The following FAM120B variants were observed in gnomAD, a reference collection of about 807,000 sequenced individuals.
FAM120B encodes constitutive coactivator of peroxisome proliferator-activated receptor gamma.
In FAM120B, 83 loss-of-function variants were observed where a neutral mutation model predicts 96.3. That is an observed-to-expected ratio of 0.86 (90% CI 0.72 to 1.03). The LOEUF (loss-of-function observed/expected upper bound fraction) is 1.03, where lower values mean the gene tolerates loss of function less well. Ranked by LOEUF, FAM120B falls within the 50% of genes least tolerant of loss-of-function variation. FAM120B has a pLI of 0.00. For synonymous variants in FAM120B, 407 were observed against 402.7 expected, an observed-to-expected ratio of 1.01 and a Z score of -0.13; for missense variants, 1,027 against 1,121.2, an observed-to-expected ratio of 0.92 and a Z score of 1.20.
chr6:170,330,452 T>G lies in FAM120B; in HGVS notation c.1919T>G (p.Val640Gly). 6.2e-7 allele frequency: 1 copy of G among 1,613,864 alleles called. No individual in the cohort carries two copies. The change falls in exon 4 of 11, where the codon GTC (valine) becomes GGC (glycine). Residue 640 changes from valine (V) to glycine (G), a missense_variant. Coordinates refer to ENST00000476287, the MANE Select transcript of FAM120B (RefSeq NM_032448.3). ...YSLLLEDCQD[V>G]TSTCLAVKEW... is the part of the protein sequence containing the mutation. ...TGACCCAACTCTTTTTCTTCAGATGTCACCAGCACCTGCCTAGCTGTCAAG... is the reference window on the plus strand; with the variant it reads ...TGACCCAACTCTTTTTCTTCAGATGGCACCAGCACCTGCCTAGCTGTCAAG...
chr6:170,384,003 C>T (rs1790058561), intron 6 of FAM120B, among the ~76,000 whole-genome samples: 1 of 152,128 alleles, frequency 6.6e-6, no homozygotes. Context: ...GAATGGATCT[C>T]AAGGGAATTA....
intron 1 of FAM120B, chr6:170,298,077 T>C (rs1246138543): frequency 1.3e-5 from 2 of 152,246 alleles, no homozygotes; most frequent in African/African-American, 2.4e-5. Flanking sequence ...AGTGCCATTG[T>C]GGACTCACAA....
chr6:170,350,948 A>C (rs763883634), intron 5 of FAM120B, among the ~76,000 whole-genome samples: 62 of 152,228 alleles, frequency 4.1e-4, no homozygotes, highest in Non-Finnish European at 7.5e-4. Context: ...AAAATGCCTA[A>C]ATCGACAGAA....
At chr6:170,380,923 A>G (rs539586784) in intron 6 of FAM120B, among the ~76,000 whole-genome samples, 2 of 152,220 alleles carry the variant, frequency 1.3e-5, no homozygotes, top group Non-Finnish European at 2.9e-5. Context: ...AAATTGAGCT[A>G]TAGAGAGAAA....
intron 9 of FAM120B, among the ~76,000 whole-genome samples, chr6:170,403,207 C>A (rs1220897606): frequency 6.6e-6 from 1 of 152,066 alleles, no homozygotes; most frequent in Non-Finnish European, 1.5e-5. Context: ...TTCAGAGATT[C>A]CAGTATAAAG....
intron 4 of FAM120B, among the ~76,000 whole-genome samples, chr6:170,339,881 T>A (rs1360611562): frequency 2.0e-5 from 3 of 152,134 alleles, no homozygotes; most frequent in Non-Finnish European, 4.4e-5. Context: ...TGGGCTTCCC[T>A]TTGTAGGTAA....
At chr6:170,327,651 TGAGTGAGTGGA>T (rs552295377) in intron 3 of FAM120B, among the ~76,000 whole-genome samples, 10 of 140,780 alleles carry the variant, frequency 7.1e-5, no homozygotes, top group African/African-American at 2.9e-4. Flanking sequence ...GGTGAGTCCA[TGAGTGAGTGGA>T]GAGTGAGTGG....
chr6:170,357,928 G>C (rs1308446262), intron 5 of FAM120B, among the ~76,000 whole-genome samples: 1 of 152,240 alleles, frequency 6.6e-6, no homozygotes, highest in Non-Finnish European at 1.5e-5. Context: ...CCTGAGGTCT[G>C]ATGCACCATG....
intron 1 of FAM120B, among the ~76,000 whole-genome samples, chr6:170,297,523 A>T (rs1784042841): frequency 6.6e-6 from 1 of 152,128 alleles, no homozygotes; most frequent in Admixed American, 6.5e-5. Context: ...ATAACATCTG[A>T]TCTAATCCTT....
intron 6 of FAM120B, among the ~76,000 whole-genome samples, chr6:170,369,871 ATAAT>A (rs369296429): frequency 6.6e-5 from 10 of 152,072 alleles, no homozygotes; most frequent in Non-Finnish European, 2.9e-5. Context: ...TAGGTACTCA[ATAAT>A]TAATTGTCAG....
intron 5 of FAM120B, among the ~76,000 whole-genome samples, chr6:170,356,789 C>G (rs192531433): frequency 9.5e-4 from 144 of 152,298 alleles, no homozygotes; most frequent in African/African-American, 3.1e-3. Flanking sequence ...GGTCTGACCT[C>G]CCAGTTAACA....
At chr6:170,354,182 C>T (rs1052854032) in intron 5 of FAM120B, among the ~76,000 whole-genome samples, 1 of 152,166 alleles carries the variant, frequency 6.6e-6, no homozygotes, top group Admixed American at 6.5e-5. Context: ...AAGACTCCCT[C>T]TTTAATTAAT....
Position 170,391,035 on chromosome 6 carries a change from A to G in FAM120B, c.2513A>G (p.His838Arg). 1 of 1,614,132 alleles carries G rather than the reference A, an allele frequency of 6.2e-7. No individual in the cohort carries two copies. Among genetic ancestry groups the G allele is most frequent in the Non-Finnish European group, 8.5e-7 (1 of 1,180,030 alleles). Residue 838 changes from histidine to arginine, a missense_variant, in exon 8 of 11, where the codon CAC becomes CGC. This residue lies in a region of FAM120B where 142 missense variants were observed against 122.5 expected (regional missense o/e 1.16). Transcript: ENST00000476287. ...EQNRSRLTKF[H>R]NLKAVVCKAC... is the part of the protein sequence containing the mutation. Reference sequence around the variant, plus strand: ...CAGAGATCTCGGCTCACCAAATTCCACAACCTGAAGGCAGTCGTCTGCAAG... The same window carrying G: ...CAGAGATCTCGGCTCACCAAATTCCGCAACCTGAAGGCAGTCGTCTGCAAG...
chr6:170,357,751 G>A lies in FAM120B; in HGVS notation c.2191-475G>A, dbSNP rs567148912. ...TCATGATTATTCCCAGATGTTCTGC[G>A]GAGTTTTGCCTTGTTAGAGTCTAAC... On this transcript the variant is annotated intron_variant, in intron 5 of 10. Coordinates refer to ENST00000476287, the MANE Select transcript of FAM120B (RefSeq NM_032448.3). Among the ~76,000 whole-genome samples, 8 of 152,322 alleles carry A rather than the reference G, an allele frequency of 5.3e-5. No homozygotes were observed. In the South Asian group the frequency reaches 6.2e-4, roughly 12 times the overall value.
intron 4 of FAM120B, among the ~76,000 whole-genome samples, chr6:170,335,120 A>G (rs936150374): frequency 1.3e-5 from 2 of 150,876 alleles, no homozygotes; most frequent in Admixed American, 1.3e-4. Flanking sequence ...TACATGTGCC[A>G]TTGTGGTTTG....
chr6:170,361,140 C>A (rs1788330704), intron 6 of FAM120B, among the ~76,000 whole-genome samples: 1 of 145,874 alleles, frequency 6.9e-6, no homozygotes, highest in Admixed American at 7.0e-5. Context: ...CCTATTAGTT[C>A]TTTGCCCAAC....
chr6:170,333,857 T>G (rs1241844939), intron 4 of FAM120B, among the ~76,000 whole-genome samples: 1 of 152,206 alleles, frequency 6.6e-6, no homozygotes, highest in East Asian at 1.9e-4. Flanking sequence ...TCATTTCTTT[T>G]ACAATATATC....
chr6:170,378,667 C>G lies in FAM120B; in HGVS notation c.2284-9620C>G, dbSNP rs191374182. Among the ~76,000 whole-genome samples the G allele has an allele frequency of 7.2e-4, 110 of 152,250 alleles. 1 individual carries two copies. Among genetic ancestry groups the G allele is most frequent in the Middle Eastern group, 3.4e-3 (1 of 294 alleles). Reference sequence around the variant, plus strand: ...GGGGAAATGGACAGGAAGCAGGAAGCAGAACCAGGAAGCGGTGGCGTAGAC... The same window carrying G: ...GGGGAAATGGACAGGAAGCAGGAAGGAGAACCAGGAAGCGGTGGCGTAGAC... On this transcript the variant is annotated intron_variant, in intron 6 of 10. Coordinates refer to ENST00000476287, the MANE Select transcript of FAM120B (RefSeq NM_032448.3).
At chr6:170,324,954 A>G (rs1182579705) in intron 3 of FAM120B, among the ~76,000 whole-genome samples, 1 of 152,232 alleles carries the variant, frequency 6.6e-6, no homozygotes, top group Non-Finnish European at 1.5e-5. Context: ...CAGTGTTAAT[A>G]AGGCTATTCC....
Sources: allele counts gnomAD v4.1 joint callset (sites outside exome capture counted in the v4.1 genomes callset), GRCh38; gene constraint gnomAD v4.1.1; regional missense constraint gnomAD v4.1.1; transcripts MANE v1.5; gene names NCBI Gene and HGNC (gene_info 2026-07-23, HGNC 2026-07-21).